Variants in IGF1R observed in about 807,000 individuals in gnomAD.
IGF1R encodes insulin like growth factor 1 receptor.
A neutral mutation model predicts 144.6 loss-of-function variants in IGF1R; 44 were observed. That is an observed-to-expected ratio of 0.30 (90% CI 0.24 to 0.39). IGF1R has a LOEUF of 0.39. Ranked by LOEUF, IGF1R falls within the 10% of genes least tolerant of loss-of-function variation. The probability of loss-of-function intolerance (pLI) is 1.00; values close to 1 mark genes in which losing one functional copy is unlikely to be tolerated. For missense variants in IGF1R, 1,355 were observed against 1,833.7 expected, an observed-to-expected ratio of 0.74 and a Z score of 4.77; for synonymous variants, 795 against 722.8, an observed-to-expected ratio of 1.10 and a Z score of -1.60.
intron 2 of IGF1R, among the ~76,000 whole-genome samples, chr15:98,769,746 G>A (rs1012837688): frequency 5.3e-5 from 8 of 152,186 alleles, no homozygotes; most frequent in Non-Finnish European, 8.8e-5. Flanking sequence ...GTTATTTTCT[G>A]TATCTCATTT....
At chr15:98,742,800 C>T (rs1182506831) in intron 2 of IGF1R, among the ~76,000 whole-genome samples, 1 of 152,142 alleles carries the variant, frequency 6.6e-6, no homozygotes, top group Non-Finnish European at 1.5e-5. Flanking sequence ...AATCCTAGCA[C>T]TTTGGGAGGC....
rs2151747725 is a variant in IGF1R, at chr15:98,962,987, A to ATTGTTTTAACTAGT, written c.*5546_*5559dup. 1 of 233,680 alleles carries ATTGTTTTAACTAGT rather than the reference A, an allele frequency of 4.3e-6. No individual in the cohort carries two copies. The highest frequency in any genetic ancestry group is 2.2e-5 in the African/African-American group (1 of 45,454). 14.5% of individuals were successfully genotyped at this position (233,680 alleles called of 1,614,324 possible). Reference sequence around the variant, plus strand: ...GTGTGTCCGCATCTTTCTGGTCAACATTGTTTTAACTAGTCACTCATTAGC... The same window carrying ATTGTTTTAACTAGT: ...GTGTGTCCGCATCTTTCTGGTCAACATTGTTTTAACTAGTTTGTTTTAACTAGTCACTCATTAGC... On this transcript the variant is annotated 3_prime_UTR_variant, in exon 21 of 21. Transcript: ENST00000650285.
At chr15:98,725,204 T>TAA (rs2054329528) in intron 2 of IGF1R, among the ~76,000 whole-genome samples, 1 of 152,194 alleles carries the variant, frequency 6.6e-6, no homozygotes, top group African/African-American at 2.4e-5. Context: ...GGTGCCAACC[T>TAA]AAAGGTATTC....
At chr15:98,682,684 A>G (rs988366115) in intron 1 of IGF1R, among the ~76,000 whole-genome samples, 1 of 151,812 alleles carries the variant, frequency 6.6e-6, no homozygotes, top group Non-Finnish European at 1.5e-5. Context: ...GGTAGCTGGG[A>G]TTACAGGCAC....
Position 98,757,560 on chromosome 15 carries a change from A to G in IGF1R, c.640+49453A>G, listed in dbSNP as rs569979654. On this transcript the variant is annotated intron_variant, in intron 2 of 20. Transcript: ENST00000650285. ...ATGCATCAATATGTGTAATTTTTTT[A>G]TTTTTCAGGGATTACATATTTATCA... 1.0e-3 allele frequency among the ~76,000 whole-genome samples: 158 copies of G among 151,712 alleles called. 1 individual carries two copies. The highest frequency in any genetic ancestry group is 3.7e-3 in the African/African-American group (154 of 41,352).
chr15:98,911,453 C>A lies in IGF1R; in HGVS notation c.1589+12C>A, dbSNP rs1316385440. 1 of 1,614,050 alleles carries A rather than the reference C, an allele frequency of 6.2e-7. No individual in the cohort carries two copies. The highest frequency in any genetic ancestry group is 8.5e-7 in the Non-Finnish European group (1 of 1,180,024). On this transcript the variant is annotated intron_variant, in intron 7 of 20. Transcript: ENST00000650285. Reference sequence around the variant, plus strand: ...TACTACAAGGAAGCGTGAGTTTCTGCTTTGGGTGATGCCATTCTGTTGACA... The same window carrying A: ...TACTACAAGGAAGCGTGAGTTTCTGATTTGGGTGATGCCATTCTGTTGACA...
intron 1 of IGF1R, among the ~76,000 whole-genome samples, chr15:98,693,162 A>G (rs1304925458): frequency 6.6e-6 from 1 of 152,122 alleles, no homozygotes; most frequent in Non-Finnish European, 1.5e-5. Flanking sequence ...CCATCCAGCA[A>G]CTATAGGATG....
intron 19 of IGF1R, among the ~76,000 whole-genome samples, chr15:98,943,790 C>T (rs2016452083): frequency 6.6e-6 from 1 of 152,192 alleles, no homozygotes; most frequent in Non-Finnish European, 1.5e-5. Flanking sequence ...CTGGGGGGAT[C>T]CCGTTGCTGT....
At chr15:98,931,596 C>T (rs1199499473) in intron 15 of IGF1R, among the ~76,000 whole-genome samples, 4 of 151,816 alleles carry the variant, frequency 2.6e-5, no homozygotes, top group Admixed American at 2.6e-4. Context: ...TATATATATA[C>T]ATACTTCTGT....
chr15:98,944,981 G>A (rs1442611568), intron 19 of IGF1R, among the ~76,000 whole-genome samples: 1 of 152,362 alleles, frequency 6.6e-6, no homozygotes, highest in Admixed American at 6.5e-5. Flanking sequence ...AGGTGTGTCT[G>A]TTCTAGCCAG....
intron 2 of IGF1R, among the ~76,000 whole-genome samples, chr15:98,710,753 G>A (rs1007617493): frequency 5.4e-5 from 8 of 148,996 alleles, no homozygotes; most frequent in Non-Finnish European, 1.2e-4. Flanking sequence ...TGCAACCTCC[G>A]TCTCCTGGGT....
chr15:98,895,610 A>G (rs1487176960), intron 3 of IGF1R, among the ~76,000 whole-genome samples: 1 of 152,102 alleles, frequency 6.6e-6, no homozygotes, highest in African/African-American at 2.4e-5. Context: ...CATGACCCCC[A>G]TTCTCCCAAA....
intron 3 of IGF1R, among the ~76,000 whole-genome samples, chr15:98,892,835 C>G (rs1204240213): frequency 6.6e-6 from 1 of 152,046 alleles, no homozygotes; most frequent in African/African-American, 2.4e-5. Flanking sequence ...GGGCAACATG[C>G]AAACCCCATC....
intron 2 of IGF1R, among the ~76,000 whole-genome samples, chr15:98,809,938 C>T (rs560334077): frequency 6.6e-6 from 1 of 152,294 alleles, no homozygotes; most frequent in African/African-American, 2.4e-5. Context: ...ATGGGATAGC[C>T]ACGGGGTTTG....
At chr15:98,798,700 C>T (rs2056300127) in intron 2 of IGF1R, among the ~76,000 whole-genome samples, 1 of 151,788 alleles carries the variant, frequency 6.6e-6, no homozygotes, top group African/African-American at 2.4e-5. Flanking sequence ...GGTTGGGTGG[C>T]TGGAGCCTGG....
At chr15:98,880,260 A>C (rs890819968) in intron 2 of IGF1R, among the ~76,000 whole-genome samples, 14 of 152,218 alleles carry the variant, frequency 9.2e-5, no homozygotes, top group African/African-American at 2.9e-4. Flanking sequence ...AATTCTTTGC[A>C]TTGATGACTT....
chr15:98,883,594 G>A (rs2013488900), intron 2 of IGF1R, among the ~76,000 whole-genome samples: 2 of 152,196 alleles, frequency 1.3e-5, no homozygotes, highest in Non-Finnish European at 2.9e-5. Flanking sequence ...TGTGTGAGAG[G>A]ACAGAAGCGA....
intron 2 of IGF1R, among the ~76,000 whole-genome samples, chr15:98,851,495 C>G (rs572499880): frequency 2.0e-5 from 3 of 152,312 alleles, no homozygotes; most frequent in African/African-American, 7.2e-5. Context: ...CCGTGGCCTT[C>G]TCCTACCTTC....
At chr15:98,689,049 ACT>A (rs1019720262) in intron 1 of IGF1R, among the ~76,000 whole-genome samples, 2 of 151,988 alleles carry the variant, frequency 1.3e-5, no homozygotes, top group African/African-American at 2.4e-5. Context: ...AAATTAAATC[ACT>A]CTGCAAAAAT....
Sources: gnomAD v4.1 joint callset for allele counts (sites outside exome capture counted in the v4.1 genomes callset) on GRCh38, gnomAD v4.1.1 for gene constraint, MANE v1.5 for transcripts, NCBI Gene and HGNC (gene_info 2026-07-23, HGNC 2026-07-21) for gene names.